Variants in CLIP2 observed in about 807,000 individuals in gnomAD.
CLIP2 encodes the protein CAP-Gly domain-containing linker protein 2.
A neutral mutation model predicts 111.7 loss-of-function variants in CLIP2; 41 were observed. That is an observed-to-expected ratio of 0.37 (90% CI 0.29 to 0.48). The LOEUF (loss-of-function observed/expected upper bound fraction) is 0.48. Among genes scored for constraint, CLIP2 ranks in the 20% least tolerant of loss-of-function variants. The pLI is 0.99. For missense variants in CLIP2, 1,160 were observed against 1,422.1 expected, an observed-to-expected ratio of 0.82 and a Z score of 2.96; for synonymous variants, 660 against 644.2, an observed-to-expected ratio of 1.02 and a Z score of -0.37.
At chr7:74,395,682 T>C (rs1359531676) in intron 13 of CLIP2, among the ~76,000 whole-genome samples, 3 of 152,190 alleles carry the variant, frequency 2.0e-5, no homozygotes, top group Admixed American at 2.0e-4. Flanking sequence ...CCTTTCTTGA[T>C]TGATACAGGC....
At chr7:74,354,100 C>T (rs1790085743) in intron 4 of CLIP2, 96 bp downstream of exon 4, 2 of 1,414,516 alleles carry the variant, frequency 1.4e-6, no homozygotes, top group Non-Finnish European at 1.9e-6. Context: ...AGCGAGTGTC[C>T]AGCATGTAGT....
At chr7:74,311,137 G>C (rs186011899) in intron 1 of CLIP2, among the ~76,000 whole-genome samples, 1 of 151,748 alleles carries the variant, frequency 6.6e-6, no homozygotes, top group Non-Finnish European at 1.5e-5. Context: ...CTGCCACCAC[G>C]CTCGGCTAAT....
chr7:74,366,602 G>A (rs1193337932), intron 8 of CLIP2, among the ~76,000 whole-genome samples: 1 of 152,224 alleles, frequency 6.6e-6, no homozygotes, highest in African/African-American at 2.4e-5. Flanking sequence ...TAAAGGCTGG[G>A]CGTGGTGGCT....
At chr7:74,387,411 G>A (rs891356145) in intron 12 of CLIP2, among the ~76,000 whole-genome samples, 1 of 152,154 alleles carries the variant, frequency 6.6e-6, no homozygotes, top group Non-Finnish European at 1.5e-5. Context: ...ACCACACCCG[G>A]CTAATTTTTG....
In CLIP2 at chr7:74,339,155, C is replaced by T. The variant is rs571753035; in HGVS notation, c.678+151C>T. The T allele has an allele frequency of 5.2e-5, 35 of 668,896 alleles. 3 individuals carry two copies. In the South Asian group the frequency reaches 6.4e-4, roughly 12 times the overall value. 41.4% of individuals were successfully genotyped at this position (668,896 alleles called of 1,614,324 possible). A position where few individuals can be genotyped will look rare whatever the true frequency, so the allele number is the denominator to read the frequency against. On this transcript the variant is annotated intron_variant, in intron 3 of 16. Coordinates refer to ENST00000223398, the MANE Select transcript of CLIP2 (RefSeq NM_003388.5). ...CCAGCCTGGGACACCCATTCCTTATCAGGACCATACAGAGTGACAAGAGAG... is the reference window on the plus strand; with the variant it reads ...CCAGCCTGGGACACCCATTCCTTATTAGGACCATACAGAGTGACAAGAGAG...
chr7:74,363,345 G>C (rs1446149886), intron 7 of CLIP2, among the ~76,000 whole-genome samples: 1 of 152,168 alleles, frequency 6.6e-6, no homozygotes, highest in Non-Finnish European at 1.5e-5. Context: ...GGGTGGGCCT[G>C]TGTCTCTCCC....
chr7:74,347,951 G>A (rs535242147), intron 3 of CLIP2, among the ~76,000 whole-genome samples: 11 of 151,732 alleles, frequency 7.2e-5, no homozygotes, highest in Admixed American at 1.3e-4. Flanking sequence ...AGGCCAAGAC[G>A]GGCGGATCAC....
At chr7:74,348,826 A>G (rs544022811) in intron 3 of CLIP2, among the ~76,000 whole-genome samples, 3 of 150,844 alleles carry the variant, frequency 2.0e-5, no homozygotes, top group African/African-American at 7.3e-5. Flanking sequence ...GTAGCAAGAG[A>G]ATTCAAAACA....
intron 8 of CLIP2, among the ~76,000 whole-genome samples, chr7:74,365,928 A>AT (rs1161513826): frequency 0.011 from 1,611 of 150,410 alleles, 28 homozygotes; most frequent in African/African-American, 0.037. Flanking sequence ...TAATTTTTGT[A>AT]TTTTTTTTTG....
intron 12 of CLIP2, among the ~76,000 whole-genome samples, chr7:74,386,812 C>T (rs1791118016): frequency 6.6e-6 from 1 of 152,040 alleles, no homozygotes; most frequent in Non-Finnish European, 1.5e-5. Flanking sequence ...CACCTGAGGT[C>T]AGGAGTTCGA....
In CLIP2 at chr7:74,338,231, G is replaced by T. The variant is rs1789534245; in HGVS notation, c.122-217G>T. 6.6e-6 allele frequency among the ~76,000 whole-genome samples: 1 copy of T among 152,122 alleles called. No homozygotes were observed. The highest frequency in any genetic ancestry group is 6.6e-5 in the Admixed American group (1 of 15,258). On this transcript the variant is annotated intron_variant, in intron 2 of 16. Coordinates refer to ENST00000223398, the MANE Select transcript of CLIP2 (RefSeq NM_003388.5). The surrounding 1 kb of genome is among the most constrained non-coding windows in gnomAD (Gnocchi z 4.3). The stretch of plus-strand genomic sequence containing the variant: ...AGTAAATAAACAGGGGTTGGGTGTG[G>T]TGCCTCACGCCTGTAATCCCAGCAA...
At chr7:74,334,111 G>T (rs1463547246) in intron 2 of CLIP2, among the ~76,000 whole-genome samples, 1 of 152,172 alleles carries the variant, frequency 6.6e-6, no homozygotes, top group Admixed American at 6.5e-5. Context: ...ATCTGGGAAG[G>T]CCAGACTTGG....
At chr7:74,305,252 G>A (rs1788447046) in intron 1 of CLIP2, among the ~76,000 whole-genome samples, 1 of 147,990 alleles carries the variant, frequency 6.8e-6, no homozygotes, top group South Asian at 2.3e-4. Context: ...CCCATTGGAT[G>A]GGGCACCCTG....
At chr7:74,369,324 C>T (rs1002304259) in intron 8 of CLIP2, among the ~76,000 whole-genome samples, 14 of 152,124 alleles carry the variant, frequency 9.2e-5, no homozygotes, top group Admixed American at 4.6e-4. Flanking sequence ...GCACTCCAGC[C>T]TGGGCAACAG....
intron 8 of CLIP2, among the ~76,000 whole-genome samples, chr7:74,368,477 A>T (rs1554311236): frequency 6.6e-6 from 1 of 152,102 alleles, no homozygotes; most frequent in Non-Finnish European, 1.5e-5. Context: ...AGATCGCGTC[A>T]TTGCACTCCA....
At chr7:74,329,307 A>G (rs1033523479) in intron 2 of CLIP2, among the ~76,000 whole-genome samples, 4 of 151,728 alleles carry the variant, frequency 2.6e-5, no homozygotes, top group Non-Finnish European at 4.4e-5. Context: ...GGCCTCCCAG[A>G]GTGCTGGGAT....
At chr7:74,359,127 C>T (rs1410825610) in intron 6 of CLIP2, among the ~76,000 whole-genome samples, 2 of 151,534 alleles carry the variant, frequency 1.3e-5, no homozygotes, top group Non-Finnish European at 2.9e-5. Flanking sequence ...CCACGCCCAG[C>T]TAATCTAATT....
intron 3 of CLIP2, among the ~76,000 whole-genome samples, chr7:74,347,105 C>T (rs2116580968): frequency 6.6e-6 from 1 of 152,146 alleles, no homozygotes; most frequent in Admixed American, 6.6e-5. Flanking sequence ...TCCTGCCTTG[C>T]CTGATGACTA....
Position 74,397,174 on chromosome 7 carries a change from A to G in CLIP2, c.2821A>G (p.Ile941Val), listed in dbSNP as rs984109574. 1 of 1,613,814 alleles carries G rather than the reference A, an allele frequency of 6.2e-7. No homozygotes were observed. Among genetic ancestry groups the G allele is most frequent in the East Asian group, 2.2e-5 (1 of 44,862 alleles). ...SREVHKAEWR[I>V]KEQKLKDDIR... ...TGAGGTACACAAGGCTGAGTGGCGG[A>G]TCAAGGAGCAGAAACTCAAGGATGA... Residue 941 changes from isoleucine to valine, a missense_variant, in exon 14 of 17, where the codon ATC becomes GTC. By Grantham distance (29) the Ile-to-Val change is conservative. Transcript: ENST00000223398.
Sources: gnomAD v4.1 joint callset for allele counts (sites outside exome capture counted in the v4.1 genomes callset) on GRCh38, gnomAD v4.1.1 for gene constraint, Gnocchi (gnomAD v3.1) non-coding constraint, MANE v1.5 for transcripts, NCBI Gene and HGNC (gene_info 2026-07-23, HGNC 2026-07-21) for gene names.